GALM: variants seen among roughly 807,000 people sequenced by gnomAD.
GALM encodes aldose 1-epimerase.
GALM carries 43 observed loss-of-function variants against 37.4 expected under a neutral mutation model. That is an observed-to-expected ratio of 1.15 (90% CI 0.90 to 1.48). The LOEUF is 1.48. GALM is among the 40% of genes most tolerant of loss of function. GALM has a pLI of 0.00. For synonymous variants in GALM, 199 were observed against 170.6 expected, an observed-to-expected ratio of 1.17 and a Z score of -1.30; for missense variants, 456 against 419.1, an observed-to-expected ratio of 1.09 and a Z score of -0.77.
rs1219516280 is a variant in GALM, at chr2:38,706,511, C to CAA, written c.634+16635_634+16636dup. Among the ~76,000 whole-genome samples, 61 of 68,490 alleles carry CAA rather than the reference C, an allele frequency of 8.9e-4. 1 individual carries two copies. The highest frequency in any genetic ancestry group is 1.9e-3 in the Admixed American group (12 of 6,218). The allele number at this position is 68,490 out of a possible 152,430, so 44.9% of individuals were successfully genotyped here. On this transcript the variant is annotated intron_variant, in intron 4 of 6. Transcript: ENST00000272252. ...GCAACATATCGAGACCCCATCTCTACAAAAAAAAAAAAAAAAAAATTAGCC... is the reference window on the plus strand; with the variant it reads ...GCAACATATCGAGACCCCATCTCTACAAAAAAAAAAAAAAAAAAAAATTAGCC...
chr2:38,722,030 T>TCCCCCCCCCCCCCCCCCCCCCCC (rs1491365976), intron 4 of GALM, among the ~76,000 whole-genome samples: 10 of 41,396 alleles, frequency 2.4e-4, no homozygotes, highest in Non-Finnish European at 2.9e-4. Flanking sequence ...TGCCTTCCCT[T>TCCCCCCCCCCCCCCCCCCCCCCC]CCCCCCCCCA....
intron 4 of GALM, among the ~76,000 whole-genome samples, chr2:38,691,503 G>A (rs1665670044): frequency 6.6e-6 from 1 of 151,552 alleles, no homozygotes; most frequent in Non-Finnish European, 1.5e-5. Context: ...AACACAGTGA[G>A]ATCCCATCTC....
chr2:38,733,689 C>A lies in GALM; in HGVS notation c.*124C>A. 1 of 775,058 alleles carries A rather than the reference C, an allele frequency of 1.3e-6. No individual in the cohort carries two copies. The highest frequency in any genetic ancestry group is 2.3e-6 in the Non-Finnish European group (1 of 440,090). The allele number at this position is 775,058 out of a possible 1,614,324, so 48.0% of individuals were successfully genotyped here. A position where few individuals can be genotyped will look rare whatever the true frequency, so the allele number is the denominator to read the frequency against. ...TGGATTAAAATCATACAAATGGTGG[C>A]TGTTCTGAGAATCAGTCTGGGTATT... is the stretch of plus-strand genomic sequence containing the variant. On this transcript the variant is annotated 3_prime_UTR_variant, in exon 7 of 7. Transcript: ENST00000272252.
chr2:38,676,183 C>T, intron 2 of GALM, 117 bp downstream of exon 2: 3 of 1,012,826 alleles, frequency 3.0e-6, no homozygotes, highest in Admixed American at 4.0e-5. Flanking sequence ...GGAAAGAGGC[C>T]CCTTCCATGG....
At chr2:38,720,462 G>C (rs969205591) in intron 4 of GALM, among the ~76,000 whole-genome samples, 6 of 149,762 alleles carry the variant, frequency 4.0e-5, no homozygotes, top group African/African-American at 1.5e-4. Flanking sequence ...GGGCAAGGAG[G>C]AGCCAGGGAG....
chr2:38,732,171 C>T (rs1478560301), intron 6 of GALM, among the ~76,000 whole-genome samples: 1 of 152,202 alleles, frequency 6.6e-6, no homozygotes, highest in Non-Finnish European at 1.5e-5. Context: ...ATTCTCCTGC[C>T]CCAGCCTTCC....
intron 4 of GALM, among the ~76,000 whole-genome samples, chr2:38,694,051 G>A (rs1206305613): frequency 6.6e-6 from 1 of 152,040 alleles, no homozygotes; most frequent in East Asian, 1.9e-4. Context: ...GAGTGTTGGT[G>A]CATGCCTGTG....
At chr2:38,703,052 TTTTATATATATATA>T (rs1665950923) in intron 4 of GALM, among the ~76,000 whole-genome samples, 1 of 31,664 alleles carries the variant, frequency 3.2e-5, no homozygotes, top group African/African-American at 1.1e-4. Flanking sequence ...ATATGTGGGA[TTTTATATATATATA>T]TATATATATA....
chr2:38,699,211 G>A (rs1665869488), intron 4 of GALM, among the ~76,000 whole-genome samples: 1 of 152,046 alleles, frequency 6.6e-6, no homozygotes, highest in Non-Finnish European at 1.5e-5. Context: ...ACCGTACCTG[G>A]CCCCAGCTGT....
chr2:38,671,319 G>A (rs750649707), intron 1 of GALM: 1 of 152,208 alleles, frequency 6.6e-6, no homozygotes, highest in Non-Finnish European at 1.5e-5. Flanking sequence ...CTGAGACTGG[G>A]TAATTTATAA....
At chr2:38,666,450 G>A in intron 1 of GALM, 99 bp downstream of exon 1, 1 of 933,036 alleles carries the variant, frequency 1.1e-6, no homozygotes, top group Non-Finnish European at 1.6e-6. Context: ...GACCAAGGGG[G>A]AAAGTCGCCT....
intron 4 of GALM, among the ~76,000 whole-genome samples, chr2:38,724,814 G>T (rs1666452668): frequency 6.6e-6 from 1 of 152,184 alleles, no homozygotes; most frequent in East Asian, 1.9e-4. Context: ...AGGTGTTCAA[G>T]CATACCATTT....
chr2:38,678,715 A>AC (rs1665319610), intron 2 of GALM, among the ~76,000 whole-genome samples: 3 of 152,182 alleles, frequency 2.0e-5, no homozygotes, highest in African/African-American at 7.2e-5. Context: ...CCTTCACTGT[A>AC]GGTGAAGGCA....
intron 3 of GALM, among the ~76,000 whole-genome samples, chr2:38,686,108 TCTC>T (rs915459333): frequency 9.2e-5 from 14 of 151,852 alleles, no homozygotes; most frequent in African/African-American, 3.4e-4. Context: ...TTCTTTTCCT[TCTC>T]CTCCTAGGCT....
At position 38,672,884 on chromosome 2, in the gene GALM, C is replaced by A. The variant is rs182247142; in HGVS notation, c.191-3028C>A. 7.5e-3 allele frequency among the ~76,000 whole-genome samples: 1,147 copies of A among 151,962 alleles called. 17 individuals carry two copies. Among genetic ancestry groups the A allele is most frequent in the African/African-American group, 0.026 (1,081 of 41,444 alleles). On this transcript the variant is annotated intron_variant, in intron 1 of 6. Coordinates refer to ENST00000272252, the MANE Select transcript of GALM (RefSeq NM_138801.3). ...ATTTAGCTGGGCTTGGTGGCGGGCA[C>A]CTGTAATCCCAGCTACTTGGAAGGC...
rs12712617 is a variant in GALM, at chr2:38,726,230, A to T, written c.635-3326A>T. Among the ~76,000 whole-genome samples, 139 of 126,228 alleles carry T rather than the reference A, an allele frequency of 1.1e-3. 1 individual carries two copies. The highest frequency in any genetic ancestry group is 3.8e-3 in the Middle Eastern group (1 of 260). The allele number at this position is 126,228 out of a possible 152,430, so 82.8% of individuals were successfully genotyped here. On this transcript the variant is annotated intron_variant, in intron 4 of 6. Coordinates refer to ENST00000272252, the MANE Select transcript of GALM (RefSeq NM_138801.3). ...AAAGTGCCTTTATTTTTTTTTTTTT[A>T]TTTTTTTTTTTTTTGAGACGGAGTC...
intron 5 of GALM, among the ~76,000 whole-genome samples, 196 bp from the exon 6 acceptor site, chr2:38,731,539 G>C (rs1026389485): frequency 8.6e-5 from 13 of 152,034 alleles, no homozygotes; most frequent in African/African-American, 3.1e-4. Context: ...TGAGGATCCT[G>C]AAAGCCACCT....
At chr2:38,667,651 T>C (rs753429795) in intron 1 of GALM, among the ~76,000 whole-genome samples, 1 of 148,112 alleles carries the variant, frequency 6.8e-6, no homozygotes, top group Non-Finnish European at 1.5e-5. Context: ...GCCCGGCTAA[T>C]TTTTTTGTGT....
In GALM at chr2:38,731,778, A is replaced by G; in HGVS notation, c.820A>G (p.Thr274Ala). ...CGGGCGGGTACTAGAAGTATACACC[A>G]CCCAGCCCGGGGTCCAGTTTTACAC... Reference protein sequence around the residue: ...ASGRVLEVYTTQPGVQFYTGN... With the variant: ...ASGRVLEVYTAQPGVQFYTGN... Residue 274 changes from threonine (T) to alanine (A), a missense_variant, in exon 6 of 7, where the codon ACC becomes GCC. Thr to Ala is a moderately conservative substitution (Grantham distance 58). Transcript: ENST00000272252. 1 of 1,613,772 alleles carries G rather than the reference A, an allele frequency of 6.2e-7. No individual in the cohort carries two copies. The highest frequency in any genetic ancestry group is 8.5e-7 in the Non-Finnish European group (1 of 1,179,886).
Sources: allele counts gnomAD v4.1 joint callset (sites outside exome capture counted in the v4.1 genomes callset), GRCh38; gene constraint gnomAD v4.1.1; transcripts MANE v1.5; gene names NCBI Gene and HGNC (gene_info 2026-07-23, HGNC 2026-07-21).